Variants in CFI observed in about 807,000 individuals in gnomAD.
CFI encodes complement factor I.
In CFI, 66 loss-of-function variants were observed where a neutral mutation model predicts 78.8. That is an observed-to-expected ratio of 0.84 (90% CI 0.69 to 1.03). The LOEUF (loss-of-function observed/expected upper bound fraction) is 1.03, where lower values mean the gene tolerates loss of function less well. Among genes scored for constraint, CFI ranks in the 50% least tolerant of loss-of-function variants. CFI has a pLI of 0.00. For synonymous variants in CFI, 250 were observed against 232.6 expected (o/e 1.07, Z -0.68); for missense variants, 706 against 704.5 (o/e 1.00, Z -0.02).
chr4:109,785,328 T>C lies in CFI; in HGVS notation c.57+16587A>G, dbSNP rs114168468. On this transcript the variant is annotated intron_variant, in intron 1 of 12. Coordinates refer to ENST00000394634, the MANE Select transcript of CFI (RefSeq NM_000204.5). ...TTTAAAAATAATGAAGTGTGATTAA[T>C]GGCATTATTCCATGAAAGAGTAGTA... Among the ~76,000 whole-genome samples, 1,267 of 152,238 alleles carry C rather than the reference T, an allele frequency of 8.3e-3. 20 individuals are homozygous for C. The highest frequency in any genetic ancestry group is 0.029 in the African/African-American group (1,189 of 41,542).
downstream of CFI, among the ~76,000 whole-genome samples, chr4:109,739,968 CA>C (rs1158721065): frequency 6.6e-6 from 1 of 152,048 alleles, no homozygotes; most frequent in Non-Finnish European, 1.5e-5. Context: ...AATGGGGGAG[CA>C]AAGGCTAATT....
At position 109,766,657 on chromosome 4, in the gene CFI, AC is replaced by A; in HGVS notation, c.224del (p.Cys75LeufsTer27). ...YQCPKNGTAV[C>X]ATNRRSFPTY... Reference sequence around the variant, plus strand: ...TTGGGAAGCTTCTCCTGTTAGTTGCACACACTGCAGTGCCATTCTTTGGGCA... The same window carrying A: ...TTGGGAAGCTTCTCCTGTTAGTTGCAACACTGCAGTGCCATTCTTTGGGCA... On this transcript the variant is annotated frameshift_variant, in exon 2 of 13. Coordinates refer to ENST00000394634, the MANE Select transcript of CFI (RefSeq NM_000204.5). LOFTEE classifies it high-confidence loss of function. The A allele has an allele frequency of 6.2e-7, 1 of 1,614,158 alleles. No individual in the cohort carries two copies. Among genetic ancestry groups the A allele is most frequent in the Non-Finnish European group, 8.5e-7 (1 of 1,180,022 alleles).
chr4:109,797,151 G>A (rs111467442), intron 1 of CFI, among the ~76,000 whole-genome samples: 2 of 152,096 alleles, frequency 1.3e-5, no homozygotes, highest in Non-Finnish European at 2.9e-5. Flanking sequence ...AAAGCCAGAG[G>A]CATCCCACTT....
intron 1 of CFI, 61 bp downstream of exon 1, chr4:109,801,854 A>G (rs567940002): frequency 5.4e-4 from 596 of 1,111,944 alleles, no homozygotes; most frequent in Non-Finnish European, 6.6e-4. Context: ...ATTATTTTCT[A>G]TGTTTTTACA....
rs750018382 is a variant in CFI, at chr4:109,746,297, C to G, written c.1354G>C (p.Ala452Pro). The G allele has an allele frequency of 1.2e-6, 2 of 1,614,026 alleles. No individual in the cohort carries two copies. Among genetic ancestry groups the G allele is most frequent in the African/African-American group, 1.3e-5 (1 of 74,920 alleles). The change falls in exon 11 of 13, where the codon GCC becomes CCC. Residue 452 changes from alanine to proline, a missense_variant. Transcript: ENST00000394634. ...KDCELPRSIP[A>P]CVPWSPYLFQ... ...AGGTAAGGAGACCAGGGGACACAGG[C>G]AGGGATGGAACGAGGCAGCTCACAA...
At chr4:109,774,861 T>A (rs1729026217) in intron 1 of CFI, among the ~76,000 whole-genome samples, 1 of 152,178 alleles carries the variant, frequency 6.6e-6, no homozygotes, top group African/African-American at 2.4e-5. Context: ...TTGTTCTTAT[T>A]TCTCTAGTTC....
intron 7 of CFI, among the ~76,000 whole-genome samples, chr4:109,753,979 T>A (rs1299825220): frequency 9.6e-5 from 14 of 146,154 alleles, no homozygotes; most frequent in East Asian, 3.9e-4. Context: ...ATATGTATTT[T>A]AAAATATATA....
chr4:109,744,554 T>G (rs981767590), intron 11 of CFI, among the ~76,000 whole-genome samples: 1 of 152,092 alleles, frequency 6.6e-6, no homozygotes, highest in Admixed American at 6.6e-5. Flanking sequence ...CTCAAGATCC[T>G]TGCTTCTCTC....
At chr4:109,781,945 G>A (rs973161219) in intron 1 of CFI, among the ~76,000 whole-genome samples, 15 of 151,920 alleles carry the variant, frequency 9.9e-5, no homozygotes, top group Non-Finnish European at 2.2e-4. Context: ...AAAAGCATTC[G>A]ACAAAATCTA....
chr4:109,776,109 T>G (rs555107007), intron 1 of CFI, among the ~76,000 whole-genome samples: 33 of 152,116 alleles, frequency 2.2e-4, no homozygotes, highest in Non-Finnish European at 3.2e-4. Flanking sequence ...CAAAGCTGGA[T>G]GGAGAATGAT....
intron 1 of CFI, among the ~76,000 whole-genome samples, chr4:109,785,257 G>A (rs937977718): frequency 2.8e-4 from 43 of 152,108 alleles, no homozygotes; most frequent in African/African-American, 9.2e-4. Context: ...ACAGACACAC[G>A]TGACATCTTT....
intron 1 of CFI, among the ~76,000 whole-genome samples, chr4:109,789,702 A>G (rs1412012080): frequency 6.6e-6 from 1 of 152,062 alleles, no homozygotes; most frequent in Non-Finnish European, 1.5e-5. Context: ...TGATCTATAC[A>G]AATAAATTAA....
At chr4:109,737,207 C>T (rs779341724), downstream of CFI, among the ~76,000 whole-genome samples, 3 of 152,016 alleles carry the variant, frequency 2.0e-5, no homozygotes, top group Non-Finnish European at 4.4e-5. Context: ...TTTAATGGTC[C>T]AAACTCTTTG....
In CFI at chr4:109,761,543, T is replaced by C; in HGVS notation, c.632A>G (p.Asp211Gly). 1 of 1,614,138 alleles carries C rather than the reference T, an allele frequency of 6.2e-7. No individual in the cohort carries two copies. The highest frequency in any genetic ancestry group is 8.5e-7 in the Non-Finnish European group (1 of 1,180,020). ...TGCTTTCTGTGTATAACAAACCACA[T>C]CAGCGAAATCCTGGTAACCCATAGT... is the stretch of plus-strand genomic sequence containing the variant. ...RRTMGYQDFA[D>G]VVCYTQKADS... The change falls in exon 4 of 13, where the codon GAT (aspartate) becomes GGT (glycine). Residue 211 changes from aspartate to glycine, a missense_variant. Coordinates refer to ENST00000394634, the MANE Select transcript of CFI (RefSeq NM_000204.5).
chr4:109,756,951 AAGAAAGAAAGAAAGAAAGAAAG>A (rs1202606013), intron 7 of CFI, among the ~76,000 whole-genome samples: 1 of 147,684 alleles, frequency 6.8e-6, no homozygotes, highest in African/African-American at 2.5e-5. Context: ...GAAAGAAAGA[AAGAAAGAAAGAAAGAAAGAAAG>A]AAAGAAATTC....
Position 109,758,043 on chromosome 4 carries a change from C to G in CFI, c.884-260G>C, listed in dbSNP as rs77142945. ...TATGCACAAATTATTAAATTTCAGA[C>G]TAGTACAACTTAATAGTTAGAAGCA... On this transcript the variant is annotated intron_variant, in intron 6 of 12. Coordinates refer to ENST00000394634, the MANE Select transcript of CFI (RefSeq NM_000204.5). 4,116 of 1,027,602 alleles carry G rather than the reference C, an allele frequency of 4.0e-3. 98 individuals carry two copies. In the African/African-American group the frequency reaches 0.058, roughly 14 times the overall value. 63.7% of individuals were successfully genotyped at this position (1,027,602 alleles called of 1,614,324 possible). A position where few individuals can be genotyped will look rare whatever the true frequency, so the allele number is the denominator to read the frequency against.
chr4:109,765,289 A>G (rs750450948), intron 2 of CFI, among the ~76,000 whole-genome samples: 27 of 152,322 alleles, frequency 1.8e-4, no homozygotes, highest in Admixed American at 9.1e-4. Context: ...GTGAGCTGAT[A>G]TATGTCATGG....
intron 1 of CFI, among the ~76,000 whole-genome samples, chr4:109,789,741 A>T (rs1331520623): frequency 6.6e-6 from 1 of 152,018 alleles, no homozygotes; most frequent in Non-Finnish European, 1.5e-5. Context: ...GGAGTTTTTG[A>T]TTTGGTGGGA....
At chr4:109,737,981 C>T (rs1430812818), downstream of CFI, among the ~76,000 whole-genome samples, 1 of 152,134 alleles carries the variant, frequency 6.6e-6, no homozygotes, top group Non-Finnish European at 1.5e-5. Context: ...CCCTGGTCTA[C>T]TTTTCTGTGA....
Sources: gnomAD v4.1 joint callset for allele counts (sites outside exome capture counted in the v4.1 genomes callset) on GRCh38, gnomAD v4.1.1 for gene constraint, MANE v1.5 for transcripts, NCBI Gene and HGNC (gene_info 2026-07-23, HGNC 2026-07-21) for gene names.